Variants in MAGI2 observed in about 807,000 individuals in gnomAD.
The protein encoded by MAGI2 is membrane associated guanylate kinase, WW and PDZ domain containing 2.
A neutral mutation model predicts 133.3 loss-of-function variants in MAGI2; 35 were observed. The ratio of observed to expected loss-of-function variants is 0.26; its 90% confidence interval spans 0.20 to 0.35. MAGI2 has a LOEUF of 0.35. Among genes scored for constraint, MAGI2 ranks in the 10% least tolerant of loss-of-function variants. The pLI, the probability that MAGI2 is intolerant of heterozygous loss-of-function variation, is 1.00. For synonymous variants in MAGI2, 729 were observed against 710.6 expected (o/e 1.03, Z -0.41); for missense variants, 1,636 against 1,863.4 (o/e 0.88, Z 2.25).
chr7:78,924,955 G>T (rs1799578412), intron 2 of MAGI2, among the ~76,000 whole-genome samples: 1 of 151,766 alleles, frequency 6.6e-6, no homozygotes. Flanking sequence ...TGCTCTCCAG[G>T]TTGGAGGAAT....
At chr7:79,157,500 C>T (rs1823895861) in intron 1 of MAGI2, among the ~76,000 whole-genome samples, 1 of 150,778 alleles carries the variant, frequency 6.6e-6, no homozygotes, top group Non-Finnish European at 1.5e-5. Flanking sequence ...TGCCTGTAAG[C>T]AGCACACATT....
At chr7:79,444,598 C>G (rs1029306388) in intron 1 of MAGI2, among the ~76,000 whole-genome samples, 2 of 150,610 alleles carry the variant, frequency 1.3e-5, no homozygotes, top group Non-Finnish European at 2.9e-5. Context: ...TAGGAATCCA[C>G]CTTACAAGGG....
intron 9 of MAGI2, among the ~76,000 whole-genome samples, chr7:78,261,704 C>T (rs1280906344): frequency 1.3e-5 from 2 of 152,100 alleles, no homozygotes; most frequent in Admixed American, 1.3e-4. Context: ...CTGACAACTC[C>T]CATCCTACCA....
chr7:78,808,840 C>A (rs2151402056), intron 2 of MAGI2, among the ~76,000 whole-genome samples: 1 of 152,254 alleles, frequency 6.6e-6, no homozygotes, highest in Non-Finnish European at 1.5e-5. Context: ...GTAGCTCACC[C>A]AGGTAGGGGT....
At chr7:78,385,533 T>C (rs1795303632) in intron 6 of MAGI2, among the ~76,000 whole-genome samples, 1 of 152,176 alleles carries the variant, frequency 6.6e-6, no homozygotes, top group East Asian at 1.9e-4. Context: ...TAAGGCATCA[T>C]TGCTGCTTAT....
intron 21 of MAGI2, among the ~76,000 whole-genome samples, chr7:78,049,296 A>T (rs1020723768): frequency 2.0e-5 from 3 of 152,236 alleles, no homozygotes; most frequent in Non-Finnish European, 4.4e-5. Flanking sequence ...TGCTTCTCCC[A>T]GGAAATGGCT....
intron 1 of MAGI2, among the ~76,000 whole-genome samples, chr7:79,186,810 T>C (rs1827215826): frequency 7.0e-6 from 1 of 143,862 alleles, no homozygotes; most frequent in South Asian, 2.2e-4. Flanking sequence ...TATATAAACA[T>C]AGGATACCAG....
chr7:79,409,039 C>T (rs1220786859), intron 1 of MAGI2, among the ~76,000 whole-genome samples: 1 of 151,918 alleles, frequency 6.6e-6, no homozygotes, highest in East Asian at 1.9e-4. Context: ...CCAAAATAAC[C>T]CTCTACAGAA....
chr7:78,293,097 A>G (rs534392759), intron 9 of MAGI2, among the ~76,000 whole-genome samples: 1 of 152,348 alleles, frequency 6.6e-6, no homozygotes, highest in African/African-American at 2.4e-5. Flanking sequence ...ATCTAATTAA[A>G]CTAAAGAGCT....
chr7:79,324,239 C>G (rs1219022507), intron 1 of MAGI2, among the ~76,000 whole-genome samples: 3 of 150,336 alleles, frequency 2.0e-5, no homozygotes, highest in African/African-American at 7.3e-5. Context: ...CTGTTTTGTT[C>G]CAATTTTAGT....
chr7:79,164,278 G>A (rs897115603), intron 1 of MAGI2, among the ~76,000 whole-genome samples: 12 of 151,952 alleles, frequency 7.9e-5, no homozygotes, highest in African/African-American at 2.2e-4. Flanking sequence ...CGTATGTATT[G>A]TGACTTACTT....
intron 2 of MAGI2, among the ~76,000 whole-genome samples, chr7:78,678,090 A>C (rs575679213): frequency 1.3e-5 from 2 of 152,272 alleles, no homozygotes; most frequent in Admixed American, 6.6e-5. Context: ...GATCAGAGAG[A>C]GAATGCTTTT....
chr7:79,250,418 A>G (rs150459466), intron 1 of MAGI2, among the ~76,000 whole-genome samples: 28 of 152,158 alleles, frequency 1.8e-4, no homozygotes, highest in Admixed American at 1.8e-3. Flanking sequence ...TACAAAAGCA[A>G]TACACAAAAG....
At chr7:78,511,203 T>C (rs1795529833) in intron 4 of MAGI2, among the ~76,000 whole-genome samples, 1 of 152,128 alleles carries the variant, frequency 6.6e-6, no homozygotes, top group Non-Finnish European at 1.5e-5. Flanking sequence ...AAAATATGAT[T>C]GTGTTGATTT....
chr7:78,966,667 T>G (rs144041265), intron 2 of MAGI2, among the ~76,000 whole-genome samples: 285 of 152,216 alleles, frequency 1.9e-3, no homozygotes, highest in African/African-American at 6.7e-3. Flanking sequence ...AGATTTTGAT[T>G]TCAATTCTTT....
chr7:79,056,257 G>T (rs765874008), intron 1 of MAGI2, among the ~76,000 whole-genome samples: 33 of 152,044 alleles, frequency 2.2e-4, no homozygotes, highest in Non-Finnish European at 4.6e-4. Context: ...GCATGGTTGC[G>T]CATGCCCGTA....
At chr7:79,069,379 T>C (rs1221426835) in intron 1 of MAGI2, among the ~76,000 whole-genome samples, 1 of 152,222 alleles carries the variant, frequency 6.6e-6, no homozygotes, top group Non-Finnish European at 1.5e-5. Flanking sequence ...CTTGGATCTT[T>C]GTTGGTTTAA....
intron 1 of MAGI2, among the ~76,000 whole-genome samples, chr7:79,251,867 A>T (rs1043987460): frequency 8.8e-5 from 13 of 148,090 alleles, no homozygotes; most frequent in African/African-American, 2.0e-4. Context: ...GAATGGATTT[A>T]AAAAAAAAAG....
At chr7:79,197,185 T>C (rs1828162795) in intron 1 of MAGI2, among the ~76,000 whole-genome samples, 1 of 151,930 alleles carries the variant, frequency 6.6e-6, no homozygotes, top group Admixed American at 6.6e-5. Flanking sequence ...TGGGTACTTG[T>C]CATCTGCTAG....
Sources: gnomAD v4.1 joint callset for allele counts (sites outside exome capture counted in the v4.1 genomes callset) on GRCh38, gnomAD v4.1.1 for gene constraint, MANE v1.5 for transcripts, NCBI Gene and HGNC (gene_info 2026-07-23, HGNC 2026-07-21) for gene names.